The following PGPEP1L variants were observed in gnomAD, a reference collection of about 807,000 sequenced individuals.
The protein encoded by PGPEP1L is pyroglutamyl-peptidase 1-like protein.
A neutral mutation model predicts 6.0 loss-of-function variants in PGPEP1L; 7 were observed. The ratio of observed to expected loss-of-function variants is 1.17; its 90% CI spans 0.66 to 2.19. The LOEUF (loss-of-function observed/expected upper bound fraction) is 2.19. Ranked by LOEUF, PGPEP1L falls within the 30% of genes most tolerant of loss-of-function variation. The probability of loss-of-function intolerance (pLI) is 0.00; values close to 1 mark genes in which losing one functional copy is unlikely to be tolerated. For missense variants in PGPEP1L, 209 were observed against 192.5 expected (o/e 1.09, Z -0.51); for synonymous variants, 103 against 83.9 (o/e 1.23, Z -1.24).
At chr15:99,004,588 C>T (rs1223218692) in intron 2 of PGPEP1L, among the ~76,000 whole-genome samples, 5 of 151,124 alleles carry the variant, frequency 3.3e-5, no homozygotes, top group East Asian at 2.0e-4. Flanking sequence ...CGTGGTGGTG[C>T]GTACCTGTAG....
At chr15:98,987,064 G>A (rs2017756175) in intron 2 of PGPEP1L, among the ~76,000 whole-genome samples, 1 of 149,714 alleles carries the variant, frequency 6.7e-6, no homozygotes, top group Non-Finnish European at 1.5e-5. Flanking sequence ...CTAATTGGGA[G>A]GCTGAGACAG....
At chr15:99,002,056 G>A (rs1391482956) in intron 2 of PGPEP1L, among the ~76,000 whole-genome samples, 1 of 152,124 alleles carries the variant, frequency 6.6e-6, no homozygotes, top group Non-Finnish European at 1.5e-5. Context: ...CTGTCATGCA[G>A]GCTGGAGTGT....
At chr15:98,980,290 G>A (rs969733914) in intron 2 of PGPEP1L, among the ~76,000 whole-genome samples, 7 of 152,118 alleles carry the variant, frequency 4.6e-5, no homozygotes, top group African/African-American at 1.7e-4. Context: ...CCTTGGAGCA[G>A]AGAAACCTGA....
At chr15:98,984,347 C>G (rs557744612) in intron 2 of PGPEP1L, among the ~76,000 whole-genome samples, 57 of 152,176 alleles carry the variant, frequency 3.7e-4, no homozygotes, top group African/African-American at 1.3e-3. Context: ...TGGTAATGCT[C>G]TTGATATTGA....
At position 99,001,359 on chromosome 15, in the gene PGPEP1L, T is replaced by C; in HGVS notation, c.-142+4070A>G. ...TGAAATGTCAGAAGAGGCACATCTA[T>C]AGGGACAAAGTATATTAGTGGTTGC... On this transcript the variant is annotated intron_variant, in intron 2 of 4. Coordinates refer to ENST00000535714, the MANE Select transcript of PGPEP1L (RefSeq NM_001167902.2). 1.4e-5 allele frequency: 3 copies of C among 221,000 alleles called. No homozygotes were observed. The South Asian group carries it at 1.4e-4, about 11-fold the overall frequency. The allele number at this position is 221,000 out of a possible 1,614,324, so 13.7% of individuals were successfully genotyped here.
rs568114631 is a variant in PGPEP1L, at chr15:98,993,486, T to G, written c.-142+11943A>C. Among the ~76,000 whole-genome samples the G allele has an allele frequency of 1.5e-3, 228 of 152,336 alleles. 1 individual carries two copies. Among genetic ancestry groups the G allele is most frequent in the Non-Finnish European group, 2.6e-3 (176 of 68,030 alleles). On this transcript the variant is annotated intron_variant, in intron 2 of 4. Transcript: ENST00000535714. ...GGATTTGGAGAAATAGGAATACTTT[T>G]ACACTGTTGGTGGGAGTGTAAACTA...
In PGPEP1L at chr15:98,969,628, G is replaced by T. The variant is rs767006810; in HGVS notation, c.6C>A (p.Asp2Glu). 3.4e-5 allele frequency: 55 copies of T among 1,612,366 alleles called. No individual in the cohort carries two copies. Among genetic ancestry groups the T allele is most frequent in the Non-Finnish European group, 4.3e-5 (51 of 1,179,900 alleles). ...CCAGAATGATCGCCTTGGCGGCGGTGTCCATGCCCACATGCACGACGAGCT... is the reference window on the plus strand; with the variant it reads ...CCAGAATGATCGCCTTGGCGGCGGTTTCCATGCCCACATGCACGACGAGCT... M[D>E]TAAKAIILEQ... The change falls in exon 4 of 5, where the codon GAC (aspartate) becomes GAA (glutamate). Residue 2 changes from aspartate (D) to glutamate (E), a missense_variant. Asp to Glu is a conservative substitution (Grantham distance 45). Coordinates refer to ENST00000535714, the MANE Select transcript of PGPEP1L (RefSeq NM_001167902.2).
At chr15:98,999,922 C>T (rs1555472790) in intron 2 of PGPEP1L, among the ~76,000 whole-genome samples, 1 of 152,272 alleles carries the variant, frequency 6.6e-6, no homozygotes, top group East Asian at 1.9e-4. Flanking sequence ...CTCAGCCCCT[C>T]CTGTGCCTGG....
chr15:98,998,397 G>A (rs2017916791), intron 2 of PGPEP1L, among the ~76,000 whole-genome samples: 1 of 152,186 alleles, frequency 6.6e-6, no homozygotes. Context: ...AGCAAAGAAA[G>A]AACATGGAGC....
intron 2 of PGPEP1L, among the ~76,000 whole-genome samples, chr15:98,978,726 A>ATATATATATTTTTT (rs1446348988): frequency 1.2e-5 from 1 of 85,234 alleles, no homozygotes; most frequent in African/African-American, 5.1e-5. Flanking sequence ...ATATATATAT[A>ATATATATATTTTTT]TTTTTTTTTT....
chr15:99,002,777 C>CT (rs1340686599), intron 2 of PGPEP1L, among the ~76,000 whole-genome samples: 1 of 152,150 alleles, frequency 6.6e-6, no homozygotes, highest in African/African-American at 2.4e-5. Flanking sequence ...TCTAACTCAG[C>CT]TTTATCCCGG....
intron 2 of PGPEP1L, among the ~76,000 whole-genome samples, chr15:98,999,716 C>T (rs1667972502): frequency 6.6e-6 from 1 of 152,194 alleles, no homozygotes; most frequent in Admixed American, 6.5e-5. Context: ...CATGGTTCAC[C>T]CATCTCACAG....
intron 2 of PGPEP1L, among the ~76,000 whole-genome samples, chr15:98,981,849 C>T (rs968782423): frequency 6.6e-6 from 1 of 152,080 alleles, no homozygotes; most frequent in Non-Finnish European, 1.5e-5. Flanking sequence ...AAAAAATAAA[C>T]AGGGAACAAG....
intron 2 of PGPEP1L, among the ~76,000 whole-genome samples, chr15:99,000,050 G>A (rs1216064753): frequency 1.3e-5 from 2 of 152,256 alleles, no homozygotes; most frequent in Non-Finnish European, 2.9e-5. Flanking sequence ...GGCGTGGAGG[G>A]AGAGGCGCGG....
At chr15:98,980,365 G>C (rs540558259) in intron 2 of PGPEP1L, among the ~76,000 whole-genome samples, 4 of 152,130 alleles carry the variant, frequency 2.6e-5, no homozygotes, top group African/African-American at 4.8e-5. Flanking sequence ...GTTTCAGGAG[G>C]AGACAGACTT....
intron 2 of PGPEP1L, chr15:99,001,349 G>A (rs2017966097): frequency 4.4e-6 from 1 of 226,104 alleles, no homozygotes; most frequent in Non-Finnish European, 9.2e-6. Context: ...TGTCAGAAGA[G>A]GCACATCTAT....
chr15:98,985,892 G>A (rs1237139189), intron 2 of PGPEP1L, among the ~76,000 whole-genome samples: 1 of 152,216 alleles, frequency 6.6e-6, no homozygotes, highest in Non-Finnish European at 1.5e-5. Flanking sequence ...GCTTCCACCA[G>A]GCAGCCTTCC....
At position 98,968,263 on chromosome 15, in the gene PGPEP1L, T is replaced by C. The variant is rs1253602905; in HGVS notation, c.*215A>G. 2 of 582,966 alleles carry C rather than the reference T, an allele frequency of 3.4e-6. No individual in the cohort carries two copies. The highest frequency in any genetic ancestry group is 6.1e-6 in the Non-Finnish European group (2 of 328,548). The allele number at this position is 582,966 out of a possible 1,614,324, so 36.1% of individuals were successfully genotyped here. ...TTTCATTTTATTGTCATGAAAACCA[T>C]AACTGAAGCTAGTTCATCCCCTGTG... On this transcript the variant is annotated 3_prime_UTR_variant, in exon 5 of 5. Coordinates refer to ENST00000535714, the MANE Select transcript of PGPEP1L (RefSeq NM_001167902.2).
chr15:99,007,616 T>TA lies in PGPEP1L; in HGVS notation c.-628_-627insT, dbSNP rs1277412754. ...GGTGGCGTGTTTGGAGTTATTCGTT[T>TA]CTCCCGGTGGGTCCGTGATGTGGCT... On this transcript the variant is annotated 5_prime_UTR_variant, in exon 1 of 5. Coordinates refer to ENST00000535714, the MANE Select transcript of PGPEP1L (RefSeq NM_001167902.2). 1.3e-5 allele frequency: 2 copies of TA among 151,930 alleles called. No individual in the cohort carries two copies. The highest frequency in any genetic ancestry group is 2.9e-5 in the Non-Finnish European group (2 of 68,044). 9.4% of individuals were successfully genotyped at this position (151,930 alleles called of 1,614,324 possible).
Sources: allele counts gnomAD v4.1 joint callset (sites outside exome capture counted in the v4.1 genomes callset), GRCh38; gene constraint gnomAD v4.1.1; transcripts MANE v1.5; gene names NCBI Gene and HGNC (gene_info 2026-07-23, HGNC 2026-07-21).